The following GALNT13 variants were observed in gnomAD, a reference collection of about 807,000 sequenced individuals.
GALNT13 encodes UDP-GalNAc:polypeptide N-acetylgalactosaminyltransferase 13.
GALNT13 carries 28 observed loss-of-function variants against 64.2 expected under a neutral mutation model. The ratio of observed to expected loss-of-function variants is 0.44; its 90% CI spans 0.32 to 0.60. The LOEUF is 0.60. Among genes scored for constraint, GALNT13 ranks in the 20% least tolerant of loss-of-function variants. GALNT13 has a pLI of 0.05. For synonymous variants in GALNT13, 214 were observed against 224.6 expected, an observed-to-expected ratio of 0.95 and a Z score of 0.42; for missense variants, 577 against 669.8, an observed-to-expected ratio of 0.86 and a Z score of 1.53.
chr2:154,400,723 T>C (rs945171847), intron 10 of GALNT13, among the ~76,000 whole-genome samples: 3 of 152,196 alleles, frequency 2.0e-5, no homozygotes, highest in African/African-American at 7.2e-5. Context: ...TAATGAAGCA[T>C]GTGTCTTTTA....
the GALNT13 span, among the ~76,000 whole-genome samples, chr2:153,499,800 G>A: frequency 4.6e-5 from 7 of 152,226 alleles, no homozygotes; most frequent in African/African-American, 1.7e-4. Flanking sequence ...GCTGGGAGAG[G>A]CCAGGCAGTG....
At chr2:153,324,419 A>G in the GALNT13 span, among the ~76,000 whole-genome samples, 2 of 152,246 alleles carry the variant, frequency 1.3e-5, no homozygotes, top group East Asian at 1.9e-4. Flanking sequence ...TTTTCTAAAT[A>G]TACAATCATG....
the GALNT13 span, among the ~76,000 whole-genome samples, chr2:153,814,905 A>T: frequency 1.3e-5 from 2 of 152,304 alleles, no homozygotes. Flanking sequence ...TAGAGCAAGG[A>T]AGGGATGAGA....
the GALNT13 span, among the ~76,000 whole-genome samples, chr2:153,428,684 G>A: frequency 1.3e-5 from 2 of 152,188 alleles, no homozygotes; most frequent in Non-Finnish European, 2.9e-5. Context: ...AACAGGCAGG[G>A]CCCAGGTGAG....
At chr2:153,839,687 G>A in the GALNT13 span, among the ~76,000 whole-genome samples, 15 of 151,862 alleles carry the variant, frequency 9.9e-5, 1 homozygote, top group South Asian at 2.9e-3. Context: ...AACTTCAATA[G>A]ATGGTTAATT....
the GALNT13 span, among the ~76,000 whole-genome samples, chr2:153,488,124 A>T: frequency 6.6e-6 from 1 of 152,190 alleles, no homozygotes; most frequent in Admixed American, 6.5e-5. Context: ...TAATTCACTG[A>T]CAGCAGCATC....
At chr2:153,096,796 G>A in the GALNT13 span, among the ~76,000 whole-genome samples, 2 of 152,048 alleles carry the variant, frequency 1.3e-5, no homozygotes, top group African/African-American at 2.4e-5. Flanking sequence ...AGATTAATGA[G>A]TCTTGTTTAT....
chr2:153,806,152 G>A, the GALNT13 span, among the ~76,000 whole-genome samples: 15 of 151,860 alleles, frequency 9.9e-5, no homozygotes, highest in African/African-American at 3.1e-4. Flanking sequence ...ATGTATCTGC[G>A]GCAGCAAATG....
intron 3 of GALNT13, among the ~76,000 whole-genome samples, chr2:154,117,357 G>T (rs1017608854): frequency 6.6e-6 from 1 of 152,154 alleles, no homozygotes; most frequent in Non-Finnish European, 1.5e-5. Flanking sequence ...TGAGATTTTG[G>T]TGCACCCATC....
the GALNT13 span, among the ~76,000 whole-genome samples, chr2:153,251,984 C>T: frequency 6.6e-6 from 1 of 151,532 alleles, no homozygotes; most frequent in Non-Finnish European, 1.5e-5. Flanking sequence ...GGGTATATAC[C>T]CAGTAAAGGG....
At chr2:154,195,728 A>G (rs1286419979) in intron 4 of GALNT13, among the ~76,000 whole-genome samples, 1 of 152,086 alleles carries the variant, frequency 6.6e-6, no homozygotes, top group Non-Finnish European at 1.5e-5. Flanking sequence ...AAAAAATATT[A>G]GCTATGGGGC....
the GALNT13 span, among the ~76,000 whole-genome samples, chr2:153,667,687 G>C: frequency 1.3e-5 from 2 of 152,186 alleles, no homozygotes; most frequent in African/African-American, 2.4e-5. Context: ...TAAGTACATA[G>C]AGCATTGATG....
At chr2:153,362,553 C>CAAAAAAAAAAAAAAAAAAAAAA in the GALNT13 span, among the ~76,000 whole-genome samples, 1 of 80,320 alleles carries the variant, frequency 1.2e-5, no homozygotes, top group Non-Finnish European at 2.3e-5. Flanking sequence ...AAATGGAGAG[C>CAAAAAAAAAAAAAAAAAAAAAA]AAAAAAAAAA....
At chr2:153,200,206 T>A in the GALNT13 span, among the ~76,000 whole-genome samples, 1 of 152,166 alleles carries the variant, frequency 6.6e-6, no homozygotes, top group African/African-American at 2.4e-5. Context: ...AGGAAGGACA[T>A]ACTGAAGACA....
At chr2:153,705,925 A>G in the GALNT13 span, among the ~76,000 whole-genome samples, 3 of 152,102 alleles carry the variant, frequency 2.0e-5, no homozygotes, top group Non-Finnish European at 4.4e-5. Context: ...TTAAAATAGC[A>G]TTTGTCAGAG....
the GALNT13 span, among the ~76,000 whole-genome samples, chr2:153,179,184 A>C: frequency 3.9e-5 from 6 of 152,218 alleles, no homozygotes; most frequent in Non-Finnish European, 7.3e-5. Context: ...TTATGGTTAA[A>C]TCTTTCATCC....
chr2:153,475,204 C>T, the GALNT13 span, among the ~76,000 whole-genome samples: 4 of 152,164 alleles, frequency 2.6e-5, no homozygotes, highest in Admixed American at 6.5e-5. Context: ...AACTACTTGG[C>T]ATCTCTCTAA....
chr2:154,157,037 A>G (rs557962822), intron 4 of GALNT13, among the ~76,000 whole-genome samples: 2 of 152,274 alleles, frequency 1.3e-5, no homozygotes, highest in South Asian at 4.1e-4. Flanking sequence ...CATCAGTCAT[A>G]CGATATTTCC....
chr2:154,209,485 T>C (rs560104951), intron 4 of GALNT13, among the ~76,000 whole-genome samples: 1 of 152,300 alleles, frequency 6.6e-6, no homozygotes, highest in African/African-American at 2.4e-5. Flanking sequence ...TTGAATTCAG[T>C]TTTCACTATC....
Sources: gnomAD v4.1 joint callset for allele counts (sites outside exome capture counted in the v4.1 genomes callset) on GRCh38, gnomAD v4.1.1 for gene constraint, MANE v1.5 for transcripts, NCBI Gene and HGNC (gene_info 2026-07-23, HGNC 2026-07-21) for gene names.